ADARB2: variants seen among roughly 807,000 people sequenced by gnomAD.
ADARB2 encodes the protein adenosine deaminase RNA specific B2 (inactive).
Under a neutral mutation model 62.2 loss-of-function variants are expected in ADARB2, and 25 were observed. The ratio of observed to expected loss-of-function variants is 0.40; its 90% CI spans 0.29 to 0.56. The LOEUF (loss-of-function observed/expected upper bound fraction) is 0.56, where lower values mean the gene tolerates loss of function less well. Ranked by LOEUF, ADARB2 falls within the 20% of genes least tolerant of loss-of-function variation. The probability of loss-of-function intolerance (pLI) is 0.43; values close to 1 mark genes in which losing one functional copy is unlikely to be tolerated. For synonymous variants in ADARB2, 572 were observed against 500.8 expected, an observed-to-expected ratio of 1.14 and a Z score of -1.90; for missense variants, 1,071 against 1,077.4, an observed-to-expected ratio of 0.99 and a Z score of 0.08.
At chr10:1,336,178 TACAA>T (rs1459007898) in intron 3 of ADARB2, among the ~76,000 whole-genome samples, 1 of 152,230 alleles carries the variant, frequency 6.6e-6, no homozygotes, top group Non-Finnish European at 1.5e-5. Context: ...GCAGGAGGCC[TACAA>T]ACAATGGGAT....
intron 1 of ADARB2, among the ~76,000 whole-genome samples, chr10:1,621,135 A>G (rs1833699310): frequency 6.6e-6 from 1 of 152,174 alleles, no homozygotes; most frequent in Admixed American, 6.5e-5. Context: ...AAATAAACAA[A>G]CATGCCAATC....
chr10:1,574,629 C>T (rs1056743291), intron 1 of ADARB2, among the ~76,000 whole-genome samples: 5 of 152,276 alleles, frequency 3.3e-5, no homozygotes, highest in South Asian at 2.1e-4. Context: ...TGTGTCCTCA[C>T]GGGGTCCTCC....
At chr10:1,495,623 ATT>A in intron 1 of ADARB2, among the ~76,000 whole-genome samples, 1 of 66,084 alleles carries the variant, frequency 1.5e-5, no homozygotes, top group Non-Finnish European at 4.2e-5. Flanking sequence ...GAAATATTCC[ATT>A]CCATTAGTTA....
Position 1,640,790 on chromosome 10 carries a change from G to C in ADARB2, c.100+96261C>G, listed in dbSNP as rs112517647. On this transcript the variant is annotated intron_variant, in intron 1 of 9. Transcript: ENST00000381312. ...TGTATATCATTTGAAAAATATATTA[G>C]TGAGAAGATAGACGTCTCAAAAGGA... Among the ~76,000 whole-genome samples the C allele has an allele frequency of 5.7e-4, 87 of 152,288 alleles. 1 individual carries two copies. Among genetic ancestry groups the C allele is most frequent in the Admixed American group, 2.1e-3 (32 of 15,300 alleles).
chr10:1,526,858 C>T, intron 1 of ADARB2: 1 of 513,962 alleles, frequency 1.9e-6, no homozygotes, highest in Non-Finnish European at 4.1e-6. Context: ...GCACAGGCAG[C>T]CACTTCGCTG....
chr10:1,279,606 G>A (rs749276045), intron 3 of ADARB2, among the ~76,000 whole-genome samples: 24 of 152,290 alleles, frequency 1.6e-4, no homozygotes, highest in Middle Eastern at 3.4e-3. Flanking sequence ...GTGAGTCACC[G>A]TTCCTGGCCT....
chr10:1,535,384 C>T (rs563094424), intron 1 of ADARB2, among the ~76,000 whole-genome samples: 5 of 152,272 alleles, frequency 3.3e-5, no homozygotes, highest in South Asian at 4.2e-4. Context: ...GCTGAGTTCT[C>T]GGTAAACACA....
chr10:1,708,908 G>A (rs1834921309), intron 1 of ADARB2, among the ~76,000 whole-genome samples: 2 of 152,210 alleles, frequency 1.3e-5, no homozygotes, highest in African/African-American at 4.8e-5. Flanking sequence ...AGGGCTGAGG[G>A]CATGGGTGGA....
intron 1 of ADARB2, among the ~76,000 whole-genome samples, chr10:1,733,609 TAATC>T (rs755040254): frequency 2.6e-5 from 4 of 152,242 alleles, no homozygotes; most frequent in Non-Finnish European, 5.9e-5. Context: ...TTCTGCCTCT[TAATC>T]TACCTGGTTG....
At chr10:1,685,217 T>C (rs960946333) in intron 1 of ADARB2, among the ~76,000 whole-genome samples, 3 of 152,168 alleles carry the variant, frequency 2.0e-5, no homozygotes, top group Non-Finnish European at 4.4e-5. Flanking sequence ...CGTGAGTGTG[T>C]GTGTGAGTTT....
intron 1 of ADARB2, among the ~76,000 whole-genome samples, chr10:1,721,531 T>G (rs988788759): frequency 5.5e-4 from 84 of 152,190 alleles, no homozygotes; most frequent in Non-Finnish European, 4.8e-4. Context: ...GACACATTAG[T>G]GTTAGGTACA....
chr10:1,187,368 G>A (rs933285950), intron 8 of ADARB2, among the ~76,000 whole-genome samples: 3 of 151,802 alleles, frequency 2.0e-5, no homozygotes, highest in East Asian at 1.9e-4. Context: ...GTCACCAGGC[G>A]GCCTCCCCTC....
intron 2 of ADARB2, among the ~76,000 whole-genome samples, chr10:1,369,736 G>C (rs559276421): frequency 1.1e-4 from 16 of 152,182 alleles, no homozygotes; most frequent in Admixed American, 2.0e-4. Context: ...TTTTCCGAGA[G>C]GGTGGGCATG....
chr10:1,382,999 A>G (rs897355117), intron 1 of ADARB2, among the ~76,000 whole-genome samples: 26 of 152,362 alleles, frequency 1.7e-4, no homozygotes, highest in Middle Eastern at 3.4e-3. Context: ...CTAAGAGTCA[A>G]GAGTCTTTTT....
At chr10:1,651,331 T>C (rs1240735754) in intron 1 of ADARB2, among the ~76,000 whole-genome samples, 1 of 152,166 alleles carries the variant, frequency 6.6e-6, no homozygotes, top group Non-Finnish European at 1.5e-5. Context: ...CTGGGCAAGG[T>C]CTCCAAGGTT....
At chr10:1,404,806 T>G (rs1196071114) in intron 1 of ADARB2, among the ~76,000 whole-genome samples, 1 of 152,174 alleles carries the variant, frequency 6.6e-6, no homozygotes, top group Non-Finnish European at 1.5e-5. Context: ...TTTTGAACTC[T>G]CCAAAAGGGA....
rs989630957 is a variant in ADARB2 at position 1,477,783 on chromosome 10, A to C, written c.101-98623T>G. Among the ~76,000 whole-genome samples, 3 of 152,216 alleles carry C rather than the reference A, an allele frequency of 2.0e-5. No homozygotes were observed. Among genetic ancestry groups the C allele is most frequent in the African/African-American group, 4.8e-5 (2 of 41,452 alleles). On this transcript the variant is annotated intron_variant, in intron 1 of 9. Coordinates refer to ENST00000381312, the MANE Select transcript of ADARB2 (RefSeq NM_018702.4). The surrounding 1 kb of genome is among the most constrained non-coding windows in gnomAD (Gnocchi z 4.5). ...CCACAGCCACGTGTTATTTCATGCT[A>C]TGTTTAAATCTAACTTGGGACTTCT...
At chr10:1,305,279 C>A (rs1045949598) in intron 3 of ADARB2, among the ~76,000 whole-genome samples, 3 of 149,570 alleles carry the variant, frequency 2.0e-5, no homozygotes, top group African/African-American at 7.3e-5. Flanking sequence ...AACACCTCTA[C>A]GCAAATAAAC....
intron 1 of ADARB2, among the ~76,000 whole-genome samples, chr10:1,698,786 A>G (rs1834781988): frequency 1.3e-5 from 2 of 152,208 alleles, no homozygotes; most frequent in Non-Finnish European, 2.9e-5. Context: ...TTTAAATGGC[A>G]TCTTGCTCTG....
Sources: gnomAD v4.1 joint callset for allele counts (sites outside exome capture counted in the v4.1 genomes callset) on GRCh38, gnomAD v4.1.1 for gene constraint, Gnocchi (gnomAD v3.1) non-coding constraint, MANE v1.5 for transcripts, NCBI Gene and HGNC (gene_info 2026-07-23, HGNC 2026-07-21) for gene names.